CPNE4: variants seen among roughly 807,000 people sequenced by gnomAD.
CPNE4 encodes copine-4.
A neutral mutation model predicts 67.9 loss-of-function variants in CPNE4; 25 were observed. The observed-to-expected ratio is 0.37, with a 90% CI of 0.27 to 0.51. The LOEUF (loss-of-function observed/expected upper bound fraction) is 0.51. Among genes scored for constraint, CPNE4 ranks in the 20% least tolerant of loss-of-function variants. The probability of loss-of-function intolerance (pLI) is 0.93; values close to 1 mark genes in which losing one functional copy is unlikely to be tolerated. For missense variants in CPNE4, 464 were observed against 690.8 expected, an observed-to-expected ratio of 0.67 and a Z score of 3.68; for synonymous variants, 242 against 244.9, an observed-to-expected ratio of 0.99 and a Z score of 0.11.
chr3:131,545,423 T>A (rs556830110), intron 14 of CPNE4, among the ~76,000 whole-genome samples: 4 of 152,190 alleles, frequency 2.6e-5, no homozygotes, highest in Non-Finnish European at 5.9e-5. Context: ...ACATTTTTAT[T>A]TTCACTAATC....
chr3:131,999,844 A>G (rs2073384780), intron 1 of CPNE4, among the ~76,000 whole-genome samples: 1 of 152,078 alleles, frequency 6.6e-6, no homozygotes, highest in Non-Finnish European at 1.5e-5. Flanking sequence ...GGAGACAAGT[A>G]CTGGGCAAAT....
chr3:132,038,367 G>A (rs1396412669), upstream of CPNE4, among the ~76,000 whole-genome samples: 1 of 150,046 alleles, frequency 6.7e-6, no homozygotes, highest in East Asian at 1.9e-4. Flanking sequence ...TATACCACCT[G>A]TGGTGCCTCT....
At chr3:131,686,410 T>G (rs2080890968) in intron 5 of CPNE4, among the ~76,000 whole-genome samples, 1 of 152,250 alleles carries the variant, frequency 6.6e-6, no homozygotes, top group Admixed American at 6.5e-5. Flanking sequence ...TATCTCTTTC[T>G]TAGTTCCACC....
intron 2 of CPNE4, among the ~76,000 whole-genome samples, chr3:131,837,676 C>T (rs1258894399): frequency 6.6e-6 from 1 of 151,850 alleles, no homozygotes; most frequent in Non-Finnish European, 1.5e-5. Flanking sequence ...GAACTATATA[C>T]TACCCTCCAC....
intron 7 of CPNE4, among the ~76,000 whole-genome samples, chr3:131,633,764 T>A (rs1360358811): frequency 6.6e-6 from 1 of 151,274 alleles, no homozygotes; most frequent in Non-Finnish European, 1.5e-5. Flanking sequence ...TGTAACTTTT[T>A]TATTTTTAAA....
chr3:131,702,187 G>C (rs1247743646), intron 3 of CPNE4, among the ~76,000 whole-genome samples: 3 of 152,106 alleles, frequency 2.0e-5, no homozygotes, highest in African/African-American at 7.2e-5. Context: ...CCATGATCAT[G>C]ATCATGTTTG....
At chr3:131,969,764 T>C (rs565386900) in intron 1 of CPNE4, among the ~76,000 whole-genome samples, 3 of 152,284 alleles carry the variant, frequency 2.0e-5, no homozygotes, top group Admixed American at 2.0e-4. Context: ...CTAAATGACA[T>C]GTATATGCTT....
intron 2 of CPNE4, among the ~76,000 whole-genome samples, chr3:131,877,714 T>C (rs1231650495): frequency 6.6e-6 from 1 of 152,184 alleles, no homozygotes; most frequent in African/African-American, 2.4e-5. Flanking sequence ...GCTACTATTA[T>C]GATAATGACT....
Position 131,533,705 on chromosome 3 carries a change from G to T in CPNE4, c.*1490C>A, listed in dbSNP as rs1473163237. 6.6e-6 allele frequency: 1 copy of T among 152,158 alleles called. No individual in the cohort carries two copies. Among genetic ancestry groups the T allele is most frequent in the African/African-American group, 2.4e-5 (1 of 41,456 alleles). 9.4% of individuals were successfully genotyped at this position (152,158 alleles called of 1,614,324 possible). A position where few individuals can be genotyped will look rare whatever the true frequency, so the allele number is the denominator to read the frequency against. ...ATTTGCAAGATTAGGATCTATAATT[G>T]TAACTGTGGAAATCATAGAAGGCAT... On this transcript the variant is annotated 3_prime_UTR_variant, in exon 16 of 16. Transcript: ENST00000429747.
At chr3:131,938,894 A>T (rs549867749) in intron 1 of CPNE4, among the ~76,000 whole-genome samples, 1 of 152,256 alleles carries the variant, frequency 6.6e-6, no homozygotes, top group African/African-American at 2.4e-5. Context: ...GATGCTTACC[A>T]TCACAACTAC....
At chr3:131,895,097 A>G (rs922390169) in intron 2 of CPNE4, among the ~76,000 whole-genome samples, 6 of 152,108 alleles carry the variant, frequency 3.9e-5, no homozygotes, top group African/African-American at 1.4e-4. Flanking sequence ...TATTAAGTGA[A>G]ATAAGCCAGG....
chr3:131,551,009 T>C (rs1297588075), intron 13 of CPNE4, among the ~76,000 whole-genome samples: 1 of 152,150 alleles, frequency 6.6e-6, no homozygotes, highest in Non-Finnish European at 1.5e-5. Flanking sequence ...TCTCTTGTTG[T>C]CTGTGCCTGT....
At chr3:131,670,337 T>C (rs1342208781) in intron 6 of CPNE4, among the ~76,000 whole-genome samples, 2 of 152,176 alleles carry the variant, frequency 1.3e-5, no homozygotes, top group Non-Finnish European at 2.9e-5. Flanking sequence ...AATTACAATA[T>C]CCTGGAAAGG....
intron 1 of CPNE4, among the ~76,000 whole-genome samples, chr3:132,029,468 G>A (rs1373136389): frequency 6.6e-6 from 1 of 152,100 alleles, no homozygotes; most frequent in East Asian, 1.9e-4. Context: ...CTAGTGCTCC[G>A]GCGCCCTCTA....
chr3:131,828,303 T>A (rs189288609), intron 2 of CPNE4, among the ~76,000 whole-genome samples: 24 of 152,312 alleles, frequency 1.6e-4, no homozygotes, highest in Middle Eastern at 3.4e-3. Flanking sequence ...TAGAATATTT[T>A]CATCAACCAA....
chr3:131,748,303 C>A (rs2082541812), intron 2 of CPNE4, among the ~76,000 whole-genome samples: 1 of 151,924 alleles, frequency 6.6e-6, no homozygotes, highest in Non-Finnish European at 1.5e-5. Flanking sequence ...CTGGAATAAA[C>A]CCCACTTAGT....
chr3:131,601,615 AG>A (rs1473068781), intron 7 of CPNE4, among the ~76,000 whole-genome samples: 1 of 152,186 alleles, frequency 6.6e-6, no homozygotes, highest in African/African-American at 2.4e-5. Flanking sequence ...TCTAAGCATA[AG>A]GTAAGGACAG....
At chr3:131,623,368 G>C (rs1403865673) in intron 7 of CPNE4, among the ~76,000 whole-genome samples, 1 of 152,084 alleles carries the variant, frequency 6.6e-6, no homozygotes, top group East Asian at 1.9e-4. Flanking sequence ...AATTTTAAAT[G>C]TTCTATCTCC....
intron 1 of CPNE4, among the ~76,000 whole-genome samples, chr3:131,916,059 A>G (rs1417860828): frequency 6.6e-6 from 1 of 152,196 alleles, no homozygotes; most frequent in Non-Finnish European, 1.5e-5. Flanking sequence ...ATAAATGACT[A>G]TCTTCTTCCT....
Sources: allele counts gnomAD v4.1 joint callset (sites outside exome capture counted in the v4.1 genomes callset), GRCh38; gene constraint gnomAD v4.1.1; transcripts MANE v1.5; gene names NCBI Gene and HGNC (gene_info 2026-07-23, HGNC 2026-07-21).